Variants in KMT5A observed in about 807,000 individuals in gnomAD.
The protein encoded by KMT5A is lysine methyltransferase 5A.
KMT5A carries 6 observed loss-of-function variants against 40.6 expected under a neutral mutation model. The observed-to-expected ratio is 0.15, with a 90% CI of 0.08 to 0.29. The LOEUF (loss-of-function observed/expected upper bound fraction) is 0.29, where lower values mean the gene tolerates loss of function less well. Among genes scored for constraint, KMT5A ranks in the 10% least tolerant of loss-of-function variants. KMT5A has a pLI of 1.00. For missense variants in KMT5A, 308 were observed against 459.1 expected (o/e 0.67, Z 3.01); for synonymous variants, 153 against 178.8 (o/e 0.86, Z 1.15).
rs918059101 is a variant in KMT5A at position 123,394,950 on chromosome 12, C to G, written c.290-97C>G. Reference sequence around the variant, plus strand: ...CACTCCTGCCTGACAAACCCAGGATCCTGTCTTCTCAAAGCTTGTCTTAGA... The same window carrying G: ...CACTCCTGCCTGACAAACCCAGGATGCTGTCTTCTCAAAGCTTGTCTTAGA... On this transcript the variant is annotated intron_variant, in intron 3 of 7. Coordinates refer to ENST00000402868, the MANE Select transcript of KMT5A (RefSeq NM_020382.7). The G allele has an allele frequency of 7.8e-6, 9 of 1,154,254 alleles. No homozygotes were observed. The Admixed American group carries it at 1.1e-4, about 14-fold the overall frequency. The allele number at this position is 1,154,254 out of a possible 1,614,324, so 71.5% of individuals were successfully genotyped here.
At chr12:123,407,225 G>A (rs1160513735) in intron 7 of KMT5A, among the ~76,000 whole-genome samples, 2 of 150,932 alleles carry the variant, frequency 1.3e-5, no homozygotes, top group Admixed American at 1.3e-4. Flanking sequence ...TGTGGTCAAA[G>A]CTACTCGGGA....
At chr12:123,389,671 C>G in intron 2 of KMT5A, 117 bp downstream of exon 2, 1 of 795,786 alleles carries the variant, frequency 1.3e-6, no homozygotes, top group Non-Finnish European at 1.5e-6. Context: ...CCTTTGCTGC[C>G]GCCTGGCTGG....
At chr12:123,406,040 CA>C (rs1878525679) in intron 7 of KMT5A, among the ~76,000 whole-genome samples, 1 of 152,030 alleles carries the variant, frequency 6.6e-6, no homozygotes. Flanking sequence ...AGGATGGTCT[CA>C]ATCTCCTAAC....
intron 1 of KMT5A, among the ~76,000 whole-genome samples, chr12:123,387,155 C>A (rs531503594): frequency 6.6e-6 from 1 of 152,336 alleles, no homozygotes; most frequent in African/African-American, 2.4e-5. Context: ...CTGCGCCCAG[C>A]TGGTGTATTT....
At chr12:123,395,372 CCT>C (rs1472856891) in intron 4 of KMT5A, 106 bp downstream of exon 4, 5 of 1,111,670 alleles carry the variant, frequency 4.5e-6, no homozygotes, top group Admixed American at 4.8e-5. Flanking sequence ...CACCTCTCAG[CCT>C]CTCTCATGTC....
chr12:123,397,727 C>T (rs1175644050), intron 5 of KMT5A, among the ~76,000 whole-genome samples: 3 of 142,890 alleles, frequency 2.1e-5, no homozygotes, highest in African/African-American at 5.3e-5. Flanking sequence ...AGTGCAATGG[C>T]GTGATCTCGA....
At chr12:123,397,962 C>T (rs1593466698) in intron 5 of KMT5A, among the ~76,000 whole-genome samples, 2 of 151,072 alleles carry the variant, frequency 1.3e-5, no homozygotes, top group South Asian at 2.1e-4. Flanking sequence ...CGTGAGCCAC[C>T]GTGCTCGGCC....
At chr12:123,404,780 A>C in intron 6 of KMT5A, 104 bp from the exon 7 acceptor site, 117 of 1,016,176 alleles carry the variant, frequency 1.2e-4, no homozygotes, top group Non-Finnish European at 1.6e-4. Context: ...ATGGCTCAGT[A>C]CAGCTGTTAA....
rs769888087 is a variant in KMT5A, at chr12:123,389,996, ACT to A, written c.132+447_132+448del. On this transcript the variant is annotated intron_variant, in intron 2 of 7. Coordinates refer to ENST00000402868, the MANE Select transcript of KMT5A (RefSeq NM_020382.7). ...CCTGAACCGCCCCACCGCCCCGTCC[ACT>A]CTCTTACTGACGCCCAGGTGCGGCT... 7.2e-5 allele frequency: 33 copies of A among 458,708 alleles called. No individual in the cohort carries two copies. In the Middle Eastern group the frequency reaches 9.8e-4, roughly 14 times the overall value. The allele number at this position is 458,708 out of a possible 1,614,324, so 28.4% of individuals were successfully genotyped here.
rs1235770020 is a variant in KMT5A, at chr12:123,408,708, GT to G, written c.*1007del. The G allele has an allele frequency of 6.6e-6, 1 of 152,262 alleles. No homozygotes were observed. The highest frequency in any genetic ancestry group is 2.4e-5 in the African/African-American group (1 of 41,324). 9.4% of individuals were successfully genotyped at this position (152,262 alleles called of 1,614,324 possible). A position where few individuals can be genotyped will look rare whatever the true frequency, so the allele number is the denominator to read the frequency against. On this transcript the variant is annotated 3_prime_UTR_variant, in exon 8 of 8. Transcript: ENST00000402868. ...CCCCATTCCCCCTCATCCTGCTGGG[GT>G]TGAAAGTTCCAGACCTGCTGTCGAG...
chr12:123,385,001 A>C (rs1876788633), intron 1 of KMT5A, among the ~76,000 whole-genome samples: 1 of 152,230 alleles, frequency 6.6e-6, no homozygotes, highest in Non-Finnish European at 1.5e-5. Context: ...CCAAAGGGCC[A>C]AAAACTTGAG....
At chr12:123,386,833 TG>T (rs561332399) in intron 1 of KMT5A, among the ~76,000 whole-genome samples, 2 of 151,904 alleles carry the variant, frequency 1.3e-5, no homozygotes, top group African/African-American at 2.4e-5. Flanking sequence ...TAGCACCTGG[TG>T]GGGGGGTCTC....
chr12:123,389,342 CG>C (rs912962087), intron 1 of KMT5A, 90 bp from the exon 2 acceptor site: 1 of 841,624 alleles, frequency 1.2e-6, no homozygotes, highest in Non-Finnish European at 1.4e-6. Context: ...CGGGAGGCGC[CG>C]TCGCGGCGCC....
At chr12:123,396,922 T>G (rs1022337543) in intron 5 of KMT5A, among the ~76,000 whole-genome samples, 5 of 152,232 alleles carry the variant, frequency 3.3e-5, no homozygotes, top group African/African-American at 1.2e-4. Flanking sequence ...CTCTCCAGTC[T>G]GTAAAATGGT....
chr12:123,397,950 G>A (rs910295524), intron 5 of KMT5A, among the ~76,000 whole-genome samples: 35 of 150,854 alleles, frequency 2.3e-4, no homozygotes, highest in African/African-American at 8.3e-4. Flanking sequence ...TGGGATTACA[G>A]ACGTGAGCCA....
At chr12:123,406,850 C>T (rs1878590045) in intron 7 of KMT5A, among the ~76,000 whole-genome samples, 1 of 151,750 alleles carries the variant, frequency 6.6e-6, no homozygotes, top group Non-Finnish European at 1.5e-5. Flanking sequence ...AACCCCATCT[C>T]TACTAAAAAT....
At chr12:123,398,435 G>T (rs1224064183) in intron 5 of KMT5A, among the ~76,000 whole-genome samples, 2 of 152,188 alleles carry the variant, frequency 1.3e-5, no homozygotes, top group East Asian at 3.9e-4. Context: ...AGGGTGGGGG[G>T]AGCCGAGTTG....
intron 6 of KMT5A, among the ~76,000 whole-genome samples, chr12:123,404,443 C>G (rs988789452): frequency 6.6e-6 from 1 of 152,204 alleles, no homozygotes; most frequent in East Asian, 1.9e-4. Flanking sequence ...ACTGGGCCTG[C>G]TGTTTGCCTA....
intron 3 of KMT5A, among the ~76,000 whole-genome samples, chr12:123,393,022 G>A (rs1280103011): frequency 6.6e-6 from 1 of 152,006 alleles, no homozygotes; most frequent in African/African-American, 2.4e-5. Context: ...GATTACAGGT[G>A]CCCGCCACCA....
Sources: gnomAD v4.1 joint callset for allele counts (sites outside exome capture counted in the v4.1 genomes callset) on GRCh38, gnomAD v4.1.1 for gene constraint, MANE v1.5 for transcripts, NCBI Gene and HGNC (gene_info 2026-07-23, HGNC 2026-07-21) for gene names.